Variants in ACSBG2 observed in about 807,000 individuals in gnomAD.
The protein encoded by ACSBG2 is acyl-CoA synthetase bubblegum family member 2, also known as long-chain-fatty-acid--CoA ligase ACSBG2.
Under a neutral mutation model 74.7 loss-of-function variants are expected in ACSBG2, and 62 were observed. The ratio of observed to expected loss-of-function variants is 0.83; its 90% CI spans 0.68 to 1.03. The LOEUF is 1.03. Among genes scored for constraint, ACSBG2 ranks in the 50% least tolerant of loss-of-function variants. The pLI is 0.00. For synonymous variants in ACSBG2, 309 were observed against 294.1 expected (o/e 1.05, Z -0.52); for missense variants, 730 against 817.6 (o/e 0.89, Z 1.31).
intron 7 of ACSBG2, among the ~76,000 whole-genome samples, chr19:6,166,280 T>TGTGTGTTTGTGTGTGTGTGTGTGTGTGTG (rs2089799967): frequency 2.0e-4 from 24 of 119,096 alleles, no homozygotes; most frequent in African/African-American, 9.1e-4. Context: ...GTCAGGAAGG[T>TGTGTGTTTGTGTGTGTGTGTGTGTGTGTG]TGTGTGTGTG....
Position 6,183,227 on chromosome 19 carries a change from C to T in ACSBG2, c.1277C>T (p.Ser426Leu), listed in dbSNP as rs776228985. ...GAGTTGTATGGGTTGAGTGAGAGCTCGGGACCCCACACGATATCCAACCAG... is the reference window on the plus strand; with the variant it reads ...GAGTTGTATGGGTTGAGTGAGAGCTTGGGACCCCACACGATATCCAACCAG... ...IGELYGLSESSGPHTISNQNN... is the reference protein window; with the variant it reads ...IGELYGLSESLGPHTISNQNN... The change falls in exon 10 of 15, where the codon TCG becomes TTG. Residue 426 changes from serine (S) to leucine (L), a missense_variant. Coordinates refer to ENST00000588485, the MANE Select transcript of ACSBG2 (RefSeq NM_030924.5). 5.6e-6 allele frequency: 9 copies of T among 1,613,862 alleles called. No individual in the cohort carries two copies. In the Admixed American group the frequency reaches 6.7e-5, roughly 12 times the overall value.
rs1456331767 is a variant in ACSBG2 at position 6,152,339 on chromosome 19, G to A, written c.386+544G>A. Among the ~76,000 whole-genome samples, 10 of 26,084 alleles carry A rather than the reference G, an allele frequency of 3.8e-4. 4 individuals carry two copies. Among genetic ancestry groups the A allele is most frequent in the Admixed American group, 3.7e-3 (6 of 1,600 alleles). The allele number at this position is 26,084 out of a possible 152,430, so 17.1% of individuals were successfully genotyped here. A position where few individuals can be genotyped will look rare whatever the true frequency, so the allele number is the denominator to read the frequency against. On this transcript the variant is annotated intron_variant, in intron 4 of 14. Coordinates refer to ENST00000588485, the MANE Select transcript of ACSBG2 (RefSeq NM_030924.5). Reference sequence around the variant, plus strand: ...CGCTCTGTCGCCCAGGCCGGACTGCGGACTGCAGTGGCGCAATCTCGGCTC... The same window carrying A: ...CGCTCTGTCGCCCAGGCCGGACTGCAGACTGCAGTGGCGCAATCTCGGCTC...
At chr19:6,136,590 T>C (rs551398596) in intron 1 of ACSBG2, among the ~76,000 whole-genome samples, 1 of 151,988 alleles carries the variant, frequency 6.6e-6, no homozygotes, top group Non-Finnish European at 1.5e-5. Context: ...CTCGAACTCC[T>C]GGCCTCAAGC....
At chr19:6,151,483 C>CT (rs1904910026) in intron 3 of ACSBG2, among the ~76,000 whole-genome samples, 1 of 152,108 alleles carries the variant, frequency 6.6e-6, no homozygotes, top group African/African-American at 2.4e-5. Flanking sequence ...AACTTTTCCA[C>CT]TTTTTTTGTA....
chr19:6,148,834 G>A (rs1210253720), intron 3 of ACSBG2, among the ~76,000 whole-genome samples: 2 of 152,230 alleles, frequency 1.3e-5, no homozygotes, highest in East Asian at 1.9e-4. Flanking sequence ...TGAGCACGGT[G>A]GCTCATGCCT....
chr19:6,164,434 C>CAT (rs761042334), intron 6 of ACSBG2, among the ~76,000 whole-genome samples: 1 of 133,876 alleles, frequency 7.5e-6, no homozygotes, highest in African/African-American at 2.8e-5. Flanking sequence ...TTTGAGGGGC[C>CAT]TTTTTTTTTT....
At chr19:6,179,116 G>A (rs959436320) in intron 8 of ACSBG2, among the ~76,000 whole-genome samples, 1 of 152,132 alleles carries the variant, frequency 6.6e-6, no homozygotes, top group Non-Finnish European at 1.5e-5. Context: ...GACATCAACA[G>A]CATCTTCTAC....
chr19:6,145,933 A>T (rs2089014766), intron 2 of ACSBG2, among the ~76,000 whole-genome samples: 1 of 152,124 alleles, frequency 6.6e-6, no homozygotes, highest in African/African-American at 2.4e-5. Context: ...CATTTTTGTG[A>T]CAGGACAATG....
rs554798103 is a variant in ACSBG2 at position 6,187,584 on chromosome 19, G to A, written c.1681-15G>A. 6.8e-6 allele frequency: 11 copies of A among 1,613,936 alleles called. No individual in the cohort carries two copies. Among genetic ancestry groups the A allele is most frequent in the Non-Finnish European group, 9.3e-6 (11 of 1,179,930 alleles). ...GTCAAGGAGCATGGGTGGTGACAGA[G>A]GTGTCTGGGGGCAGTGTGAGATGAA... On this transcript the variant is annotated splice_polypyrimidine_tract_variant and intron_variant, in intron 12 of 14. Coordinates refer to ENST00000588485, the MANE Select transcript of ACSBG2 (RefSeq NM_030924.5).
intron 1 of ACSBG2, among the ~76,000 whole-genome samples, chr19:6,138,380 T>C (rs1224810866): frequency 1.3e-5 from 2 of 150,534 alleles, no homozygotes; most frequent in African/African-American, 4.9e-5. Flanking sequence ...GGAGGAAGCT[T>C]AGGTCCAGGC....
In ACSBG2 at chr19:6,187,428, A is replaced by G. The variant is rs199711878; in HGVS notation, c.1680+6A>G. The G allele has an allele frequency of 1.2e-5, 20 of 1,613,918 alleles. No individual in the cohort carries two copies. Among genetic ancestry groups the G allele is most frequent in the African/African-American group, 1.3e-5 (1 of 74,886 alleles). On this transcript the variant is annotated splice_donor_region_variant and intron_variant, in intron 12 of 14. Transcript: ENST00000588485. Reference sequence around the variant, plus strand: ...GCATGTTGCTGACGCTGAAGGTAACATGGGTTTGCTGTCATTGGGGGAAGT... The same window carrying G: ...GCATGTTGCTGACGCTGAAGGTAACGTGGGTTTGCTGTCATTGGGGGAAGT...
At chr19:6,186,605 T>C (rs556198705) in intron 11 of ACSBG2, among the ~76,000 whole-genome samples, 1 of 152,328 alleles carries the variant, frequency 6.6e-6, no homozygotes, top group African/African-American at 2.4e-5. Flanking sequence ...AAAAGGTCAG[T>C]TGGCCAAAAG....
chr19:6,151,113 CAA>C (rs1332726831), intron 3 of ACSBG2, among the ~76,000 whole-genome samples: 19 of 58,960 alleles, frequency 3.2e-4, no homozygotes, highest in Admixed American at 3.9e-4. Flanking sequence ...GACTCTGTCT[CAA>C]AAAAAAAAAA....
chr19:6,158,781 A>G (rs2089512061), intron 5 of ACSBG2, among the ~76,000 whole-genome samples: 2 of 152,094 alleles, frequency 1.3e-5, no homozygotes, highest in South Asian at 4.1e-4. Context: ...AAATTTGGGT[A>G]CAGTTTCCAG....
At chr19:6,155,959 A>T (rs1044051266) in intron 4 of ACSBG2, among the ~76,000 whole-genome samples, 4 of 152,032 alleles carry the variant, frequency 2.6e-5, no homozygotes, top group Non-Finnish European at 5.9e-5. Context: ...AAAGATTTCA[A>T]CAGAAATGCC....
intron 6 of ACSBG2, 38 bp downstream of exon 6, chr19:6,161,333 C>T (rs1568233044): frequency 2.6e-6 from 4 of 1,527,788 alleles, no homozygotes; most frequent in South Asian, 2.2e-5. Context: ...AAGGGGAGGG[C>T]GGGGCCTTGC....
chr19:6,190,484 A>C, intron 13 of ACSBG2, 100 bp from the exon 14 acceptor site: 1 of 1,017,564 alleles, frequency 9.8e-7, no homozygotes, highest in East Asian at 2.4e-5. Context: ...CCAGCCACCC[A>C]GCCTAGCCCC....
rs2090046175 is a variant in ACSBG2, at chr19:6,174,621, G to A, written c.739-2608G>A. 6.6e-6 allele frequency among the ~76,000 whole-genome samples: 1 copy of A among 152,106 alleles called. No individual in the cohort carries two copies. The highest frequency in any genetic ancestry group is 1.5e-5 in the Non-Finnish European group (1 of 68,012). On this transcript the variant is annotated intron_variant, in intron 7 of 14. Transcript: ENST00000588485. The surrounding 1 kb of genome is among the most constrained non-coding windows in gnomAD (Gnocchi z 4.2). ...GCCAGGATTGTTTGAGAGAAGGCTG[G>A]GAAACACAGCAAGACCTCATCTCTA...
At position 6,184,831 on chromosome 19, in the gene ACSBG2, T is replaced by TG. The variant is rs1372369619; in HGVS notation, c.1323-604dup. Among the ~76,000 whole-genome samples, 12 of 13,962 alleles carry TG rather than the reference T, an allele frequency of 8.6e-4. 1 individual carries two copies. Among genetic ancestry groups the TG allele is most frequent in the African/African-American group, 2.6e-3 (12 of 4,608 alleles). The allele number at this position is 13,962 out of a possible 152,430, so 9.2% of individuals were successfully genotyped here. On this transcript the variant is annotated intron_variant, in intron 10 of 14. Transcript: ENST00000588485. Reference sequence around the variant, plus strand: ...TTTTCTTTGCCGGCATATGTGGAGATGAAAAAAAAAAAAAAAAAAAAAAAA... The same window carrying TG: ...TTTTCTTTGCCGGCATATGTGGAGATGGAAAAAAAAAAAAAAAAAAAAAAAA...
Sources: allele counts gnomAD v4.1 joint callset (sites outside exome capture counted in the v4.1 genomes callset), GRCh38; gene constraint gnomAD v4.1.1; non-coding constraint Gnocchi (gnomAD v3.1); transcripts MANE v1.5; gene names NCBI Gene and HGNC (gene_info 2026-07-23, HGNC 2026-07-21).